Variants in TBC1D32 observed in about 807,000 individuals in gnomAD.
TBC1D32 encodes TBC1 domain family member 32.
A neutral mutation model predicts 170.3 loss-of-function variants in TBC1D32; 151 were observed. The observed-to-expected ratio is 0.89, with a 90% CI of 0.78 to 1.01. TBC1D32 has a LOEUF of 1.01. Among genes scored for constraint, TBC1D32 ranks in the 50% least tolerant of loss-of-function variants. The pLI, the probability that TBC1D32 is intolerant of heterozygous loss-of-function variation, is 0.00. For synonymous variants in TBC1D32, 498 were observed against 488.0 expected (o/e 1.02, Z -0.27); for missense variants, 1,464 against 1,457.1 (o/e 1.00, Z -0.08).
intron 15 of TBC1D32, among the ~76,000 whole-genome samples, chr6:121,257,469 C>T (rs1799196247): frequency 6.6e-6 from 1 of 151,854 alleles, no homozygotes; most frequent in African/African-American, 2.4e-5. Context: ...CTAAGGATTA[C>T]CAAATTACGA....
At chr6:121,115,829 A>G (rs1779631622) in intron 26 of TBC1D32, 2 of 152,240 alleles carry the variant, frequency 1.3e-5, no homozygotes, top group South Asian at 2.1e-4. Flanking sequence ...CTTTTCATTT[A>G]TTTCTTACAA....
chr6:121,091,906 T>C (rs2128176418), intron 30 of TBC1D32, among the ~76,000 whole-genome samples: 1 of 152,044 alleles, frequency 6.6e-6, no homozygotes, highest in African/African-American at 2.4e-5. Context: ...GAAGGGGAAA[T>C]ACAGTCACAA....
intron 22 of TBC1D32, among the ~76,000 whole-genome samples, chr6:121,187,684 C>A (rs1458951583): frequency 6.7e-6 from 1 of 150,274 alleles, no homozygotes; most frequent in East Asian, 2.0e-4. Flanking sequence ...GGGGATCTAA[C>A]CCACAAGAGA....
At chr6:121,218,281 G>A (rs1794078235) in intron 21 of TBC1D32, among the ~76,000 whole-genome samples, 2 of 152,188 alleles carry the variant, frequency 1.3e-5, no homozygotes, top group African/African-American at 4.8e-5. Context: ...TTACACTAAG[G>A]AGTGGACAAA....
intron 22 of TBC1D32, among the ~76,000 whole-genome samples, chr6:121,176,295 G>A (rs545877839): frequency 1.2e-4 from 18 of 152,204 alleles, no homozygotes; most frequent in Middle Eastern, 3.4e-3. Context: ...AGCTATTGGG[G>A]GAAAAGGTGT....
At chr6:121,304,344 A>G in intron 8 of TBC1D32, 21 bp downstream of exon 8, 1 of 1,611,668 alleles carries the variant, frequency 6.2e-7, no homozygotes. Context: ...TTATGCTGGC[A>G]TACATTGGGA....
intron 24 of TBC1D32, among the ~76,000 whole-genome samples, chr6:121,132,945 C>T (rs1387736009): frequency 6.6e-6 from 1 of 151,918 alleles, no homozygotes; most frequent in Non-Finnish European, 1.5e-5. Flanking sequence ...CAAAGATGTT[C>T]TCTTATTTTC....
chr6:121,153,940 G>A (rs1372578221), intron 24 of TBC1D32, among the ~76,000 whole-genome samples: 1 of 151,582 alleles, frequency 6.6e-6, no homozygotes. Flanking sequence ...CATGGGGGTA[G>A]GATCTGCTGG....
At chr6:121,276,934 G>T (rs1331967467) in intron 15 of TBC1D32, among the ~76,000 whole-genome samples, 1 of 152,138 alleles carries the variant, frequency 6.6e-6, no homozygotes, top group Non-Finnish European at 1.5e-5. Context: ...ACTGCAGGGA[G>T]AAATAGATGA....
chr6:121,277,396 T>C (rs111395899), intron 15 of TBC1D32, among the ~76,000 whole-genome samples: 1 of 141,822 alleles, frequency 7.1e-6, no homozygotes, highest in African/African-American at 2.7e-5. Flanking sequence ...GTTGAGGCAC[T>C]AGAATCGCTT....
At chr6:121,263,318 C>T (rs1800021617) in intron 15 of TBC1D32, among the ~76,000 whole-genome samples, 1 of 151,870 alleles carries the variant, frequency 6.6e-6, no homozygotes, top group South Asian at 2.1e-4. Flanking sequence ...AGACTTTAAA[C>T]CAACAAAGAT....
chr6:121,247,000 C>T (rs1207789134), intron 17 of TBC1D32, among the ~76,000 whole-genome samples: 1 of 151,890 alleles, frequency 6.6e-6, no homozygotes, highest in African/African-American at 2.4e-5. Flanking sequence ...GGGAAAAGAT[C>T]ACCACCAAGG....
chr6:121,255,506 A>ATTGATAATTATAT (rs1798864445), intron 16 of TBC1D32, 96 bp from the exon 17 acceptor site: 1 of 181,600 alleles, frequency 5.5e-6, no homozygotes, highest in African/African-American at 3.0e-5. Flanking sequence ...TTATAATTAT[A>ATTGATAATTATAT]TTTATAATTA....
intron 30 of TBC1D32, among the ~76,000 whole-genome samples, chr6:121,104,192 T>G (rs1347348753): frequency 6.6e-6 from 1 of 151,756 alleles, no homozygotes; most frequent in Non-Finnish European, 1.5e-5. Context: ...TGGAAAAGAT[T>G]CCCTATAGGA....
intron 15 of TBC1D32, among the ~76,000 whole-genome samples, chr6:121,277,757 A>C (rs1293478390): frequency 6.6e-6 from 1 of 151,806 alleles, no homozygotes; most frequent in African/African-American, 2.4e-5. Context: ...AGAAATAAAA[A>C]ATTAGAAGAG....
At chr6:121,179,653 C>T (rs1418640056) in intron 22 of TBC1D32, among the ~76,000 whole-genome samples, 1 of 152,022 alleles carries the variant, frequency 6.6e-6, no homozygotes, top group African/African-American at 2.4e-5. Flanking sequence ...GCATTCTCGA[C>T]TAACTTTATT....
In TBC1D32 at chr6:121,313,105, G is replaced by GGTGTGT. The variant is rs71018125; in HGVS notation, c.496-2264_496-2259dup. On this transcript the variant is annotated intron_variant, in intron 3 of 31. Transcript: ENST00000398212. ...ACACAATGCCATGCCAAGCTAAGGT[G>GGTGTGT]GTGTGTGTGTGTGTGTGTGTGTGTG... Among the ~76,000 whole-genome samples the GGTGTGT allele has an allele frequency of 2.9e-3, 324 of 111,238 alleles. 6 individuals carry two copies. The highest frequency in any genetic ancestry group is 6.3e-3 in the African/African-American group (172 of 27,256). 73.0% of individuals were successfully genotyped at this position (111,238 alleles called of 152,430 possible).
chr6:121,284,897 C>T (rs9320802), intron 12 of TBC1D32, among the ~76,000 whole-genome samples: 123,162 of 152,026 alleles, frequency 0.81, 52,690 homozygotes, highest in Non-Finnish European at 0.93. Context: ...AAGTCAATTA[C>T]CTACTGAGTG....
intron 24 of TBC1D32, among the ~76,000 whole-genome samples, chr6:121,136,003 A>G (rs1310232540): frequency 1.3e-5 from 2 of 152,144 alleles, no homozygotes; most frequent in Non-Finnish European, 2.9e-5. Context: ...CACTCAATGT[A>G]AAGCTAATAA....
Sources: allele counts gnomAD v4.1 joint callset (sites outside exome capture counted in the v4.1 genomes callset), GRCh38; gene constraint gnomAD v4.1.1; transcripts MANE v1.5; gene names NCBI Gene and HGNC (gene_info 2026-07-23, HGNC 2026-07-21).